Variants in PDGFRB observed in about 807,000 individuals in gnomAD.
PDGFRB encodes platelet derived growth factor receptor beta, also known as platelet-derived growth factor receptor beta.
PDGFRB carries 42 observed loss-of-function variants against 120.2 expected under a neutral mutation model. The ratio of observed to expected loss-of-function variants is 0.35; its 90% CI spans 0.27 to 0.45. The LOEUF (loss-of-function observed/expected upper bound fraction) is 0.45, where lower values mean the gene tolerates loss of function less well. Among genes scored for constraint, PDGFRB ranks in the 20% least tolerant of loss-of-function variants. The probability of loss-of-function intolerance (pLI) is 1.00; values close to 1 mark genes in which losing one functional copy is unlikely to be tolerated. For missense variants in PDGFRB, 1,149 were observed against 1,476.3 expected, an observed-to-expected ratio of 0.78 and a Z score of 3.63; for synonymous variants, 586 against 606.8, an observed-to-expected ratio of 0.97 and a Z score of 0.50.
In PDGFRB at chr5:150,119,509, C is replaced by T. The variant is rs145717708; in HGVS notation, c.2756G>A (p.Arg919Gln). Residue 919 changes from arginine (R) to glutamine (Q), a missense_variant, in exon 20 of 23, where the codon CGG becomes CAG. By Grantham distance (43) the Arg-to-Gln change is conservative. Around this residue, in one of 3 missense-constraint regions of PDGFRB, gnomAD observed 68 missense variants for 153.3 expected, o/e 0.44. Transcript: ENST00000261799. ...GGCAGGCTGGGCCATGCGGTAACCC[C>T]GTTTGATGGCATTGTAGAACTGCTC... Reference protein sequence around the residue: ...MNEQFYNAIKRGYRMAQPAHA... With the variant: ...MNEQFYNAIKQGYRMAQPAHA... The T allele has an allele frequency of 4.9e-5, 79 of 1,613,234 alleles. No individual in the cohort carries two copies. The highest frequency in any genetic ancestry group is 4.5e-4 in the East Asian group (20 of 44,878).
At chr5:150,122,935 C>T (rs1045493711) in intron 15 of PDGFRB, 107 bp downstream of exon 15, 17 of 987,884 alleles carry the variant, frequency 1.7e-5, no homozygotes, top group Non-Finnish European at 2.5e-5. Flanking sequence ...GTGATTCTGT[C>T]CCCTGCCCTG....
At position 150,120,815 on chromosome 5, in the gene PDGFRB, T is replaced by A. The variant is rs1425849971; in HGVS notation, c.2586+73A>T. The A allele has an allele frequency of 2.8e-6, 4 of 1,440,386 alleles. No homozygotes were observed. In the Admixed American group the frequency reaches 7.0e-5, roughly 25 times the overall value. 89.2% of individuals were successfully genotyped at this position (1,440,386 alleles called of 1,614,324 possible). On this transcript the variant is annotated intron_variant, in intron 18 of 22. Transcript: ENST00000261799. This position sits in a 1 kb window ranked among gnomAD's most constrained non-coding sequence, Gnocchi z 4.3. ...GATTTCCTATGAGCTGCAGCCACACTGGTCAGGAGGGAATCTGTTCCTGCG... is the reference window on the plus strand; with the variant it reads ...GATTTCCTATGAGCTGCAGCCACACAGGTCAGGAGGGAATCTGTTCCTGCG...
In PDGFRB at chr5:150,155,581, G is replaced by C; in HGVS notation, c.-191C>G. The C allele has an allele frequency of 2.5e-6, 1 of 398,906 alleles. No homozygotes were observed. The highest frequency in any genetic ancestry group is 4.4e-6 in the Non-Finnish European group (1 of 226,298). 24.7% of individuals were successfully genotyped at this position (398,906 alleles called of 1,614,324 possible). On this transcript the variant is annotated 5_prime_UTR_variant, in exon 1 of 23. It adds an upstream start codon to the 5' untranslated region. Coordinates refer to ENST00000261799, the MANE Select transcript of PDGFRB (RefSeq NM_002609.4). ...TCCTGAAGGCTCAGGAGAACAGAGG[G>C]ATGGAGGAAGGGGGCTGCTGTAGGG...
At chr5:150,148,369 C>T (rs1760981485) in intron 1 of PDGFRB, among the ~76,000 whole-genome samples, 1 of 152,262 alleles carries the variant, frequency 6.6e-6, no homozygotes, top group African/African-American at 2.4e-5. Context: ...GTAGGGTCAG[C>T]TCTTCAGTCC....
chr5:150,116,839 T>C (rs1398862447), intron 22 of PDGFRB, among the ~76,000 whole-genome samples: 1 of 152,092 alleles, frequency 6.6e-6, no homozygotes, highest in African/African-American at 2.4e-5. Context: ...AAGGCCGGTG[T>C]GCACTCCTGG....
chr5:150,137,372 T>C, intron 1 of PDGFRB: 1 of 276,304 alleles, frequency 3.6e-6, no homozygotes, highest in Non-Finnish European at 6.8e-6. Flanking sequence ...GGAGGGGAAG[T>C]TGGGCTGGAT....
chr5:150,126,705 A>G, intron 10 of PDGFRB, 91 bp from the exon 11 acceptor site: 1 of 753,712 alleles, frequency 1.3e-6, no homozygotes, highest in Non-Finnish European at 2.4e-6. Context: ...CTCCGTACAC[A>G]TCCTGTCCAG....
Position 150,134,874 on chromosome 5 carries a change from C to A in PDGFRB, c.507G>T (p.Leu169=). Residue 169 remains leucine, a synonymous_variant, in exon 4 of 23, where the codon CTG becomes CTT. Coordinates refer to ENST00000261799, the MANE Select transcript of PDGFRB (RefSeq NM_002609.4). Reference sequence around the variant, plus strand: ...CACGTTGGTGATCATAGGGGACAGGCAGTGCAACGTCCCCTTTCTTCTCGT... The same window carrying A: ...CACGTTGGTGATCATAGGGGACAGGAAGTGCAACGTCCCCTTTCTTCTCGT... ...TLHEKKGDVA[L]PVPYDHQRGF... is the part of the protein sequence containing the mutation. The A allele has an allele frequency of 6.2e-7, 1 of 1,614,078 alleles. No individual in the cohort carries two copies. The highest frequency in any genetic ancestry group is 8.5e-7 in the Non-Finnish European group (1 of 1,179,894).
At chr5:150,134,459 G>C (rs1268702269) in intron 4 of PDGFRB, among the ~76,000 whole-genome samples, 1 of 152,222 alleles carries the variant, frequency 6.6e-6, no homozygotes, top group Non-Finnish European at 1.5e-5. Flanking sequence ...ACAGGAAATA[G>C]CAAAGCTGGG....
At chr5:150,140,191 G>A (rs1341307007) in intron 1 of PDGFRB, among the ~76,000 whole-genome samples, 1 of 152,162 alleles carries the variant, frequency 6.6e-6, no homozygotes, top group Non-Finnish European at 1.5e-5. Context: ...TCCACCAAAT[G>A]TGTTAGGCCT....
At position 150,120,848 on chromosome 5, in the gene PDGFRB, G is replaced by C; in HGVS notation, c.2586+40C>G. The C allele has an allele frequency of 1.3e-6, 2 of 1,595,320 alleles. No homozygotes were observed. The highest frequency in any genetic ancestry group is 8.6e-7 in the Non-Finnish European group (1 of 1,163,190). On this transcript the variant is annotated intron_variant, in intron 18 of 22. Transcript: ENST00000261799. This position sits in a 1 kb window ranked among gnomAD's most constrained non-coding sequence, Gnocchi z 4.3. ...AGGGAATCTGTTCCTGCGGTCACAG[G>C]CACTGTGACTGCCCTGCAGGGGCCA...
In PDGFRB at chr5:150,118,501, C is replaced by G. The variant is rs11740840; in HGVS notation, c.2904+246G>C. ...GGGAGGCAGCAGGACAGACAGTGCT[C>G]TAGGCCCCCTCCCTGCATCTAATCG... On this transcript the variant is annotated intron_variant, in intron 21 of 22. Coordinates refer to ENST00000261799, the MANE Select transcript of PDGFRB (RefSeq NM_002609.4). Among the ~76,000 whole-genome samples the G allele has an allele frequency of 0.092, 14,020 of 152,236 alleles. 660 individuals are homozygous for G. Among genetic ancestry groups the G allele is most frequent in the Non-Finnish European group, 0.11 (7,239 of 68,002 alleles).
At position 150,124,167 on chromosome 5, in the gene PDGFRB, C is replaced by T. The variant is rs958607400; in HGVS notation, c.2023+83G>A. ...CCTCCAGCAGGAGTGTGCTGTTGTG[C>T]AAGGCCTGAGGGGGGGGTAGGCGGG... On this transcript the variant is annotated intron_variant, in intron 14 of 22. Coordinates refer to ENST00000261799, the MANE Select transcript of PDGFRB (RefSeq NM_002609.4). The T allele has an allele frequency of 7.7e-6, 7 of 905,738 alleles. No individual in the cohort carries two copies. The African/African-American group carries it at 1.1e-4, about 15-fold the overall frequency. The allele number at this position is 905,738 out of a possible 1,614,324, so 56.1% of individuals were successfully genotyped here. A position where few individuals can be genotyped will look rare whatever the true frequency, so the allele number is the denominator to read the frequency against.
intron 4 of PDGFRB, 56 bp from the exon 5 acceptor site, chr5:150,134,064 T>A: frequency 3.9e-6 from 6 of 1,554,930 alleles, no homozygotes; most frequent in Non-Finnish European, 5.3e-6. Context: ...CACTAGCACT[T>A]CAGCTTGGGG....
At position 150,114,490 on chromosome 5, in the gene PDGFRB, G is replaced by A. The variant is rs1019106048; in HGVS notation, c.*1273C>T. 3.4e-5 allele frequency: 8 copies of A among 233,284 alleles called. No individual in the cohort carries two copies. The highest frequency in any genetic ancestry group is 1.7e-4 in the Admixed American group (3 of 17,760). The allele number at this position is 233,284 out of a possible 1,614,324, so 14.5% of individuals were successfully genotyped here. On this transcript the variant is annotated 3_prime_UTR_variant, in exon 23 of 23. Transcript: ENST00000261799. ...GCCCAGGATACCCCCGGAGGTCATC[G>A]TGGGTAGTGAAAGAGGTCCCGTGGT...
rs61747481 is a variant in PDGFRB, at chr5:150,129,837, A to C, written c.1499T>G (p.Val500Gly). ...GCAGCGCACCGACAGTGGCCGATCCACGTGCTGCAGACGCAGTGTGCTCAC... is the reference window on the plus strand; with the variant it reads ...GCAGCGCACCGACAGTGGCCGATCCCCGTGCTGCAGACGCAGTGTGCTCAC... The part of the protein sequence containing the change: ...EVVSTLRLQH[V>G]DRPLSVRCTL... The change falls in exon 10 of 23, where the codon GTG becomes GGG. Residue 500 changes from valine (V) to glycine (G), a missense_variant. Transcript: ENST00000261799. 1 of 1,614,026 alleles carries C rather than the reference A, an allele frequency of 6.2e-7. No homozygotes were observed. The highest frequency in any genetic ancestry group is 1.3e-5 in the African/African-American group (1 of 74,952).
chr5:150,123,114 T>TGGTGCTGCAGGAAGGTGTGTTTGTTGC lies in PDGFRB; in HGVS notation c.2084_2110dup (p.Arg695_His703dup). 2 of 1,613,790 alleles carry TGGTGCTGCAGGAAGGTGTGTTTGTTGC rather than the reference T, an allele frequency of 1.2e-6. No individual in the cohort carries two copies. Among genetic ancestry groups the TGGTGCTGCAGGAAGGTGTGTTTGTTGC allele is most frequent in the Non-Finnish European group, 1.7e-6 (2 of 1,179,958 alleles). On this transcript the variant is annotated inframe_insertion, in exon 15 of 23. Coordinates refer to ENST00000261799, the MANE Select transcript of PDGFRB (RefSeq NM_002609.4). Reference sequence around the variant, plus strand: ...GCTGGGCGGGCGGCGCTTGTCGGAGTGGTGCTGCAGGAAGGTGTGTTTGTT... The same window carrying TGGTGCTGCAGGAAGGTGTGTTTGTTGC: ...GCTGGGCGGGCGGCGCTTGTCGGAGTGGTGCTGCAGGAAGGTGTGTTTGTTGCGGTGCTGCAGGAAGGTGTGTTTGTT...
intron 3 of PDGFRB, 47 bp downstream of exon 3, chr5:150,135,508 G>A (rs750878459): frequency 1.6e-6 from 2 of 1,220,672 alleles, no homozygotes; most frequent in South Asian, 2.8e-5. Flanking sequence ...GATGCCTCCA[G>A]TTGACAAGAG....
chr5:150,144,180 TCTC>T (rs1414054957), intron 1 of PDGFRB, among the ~76,000 whole-genome samples: 1 of 151,932 alleles, frequency 6.6e-6, no homozygotes, highest in Non-Finnish European at 1.5e-5. Flanking sequence ...CCACCGCCAA[TCTC>T]CTCACCTCCA....
Sources: gnomAD v4.1 joint callset for allele counts (sites outside exome capture counted in the v4.1 genomes callset) on GRCh38, gnomAD v4.1.1 for gene constraint, gnomAD v4.1.1 regional missense constraint, Gnocchi (gnomAD v3.1) non-coding constraint, MANE v1.5 for transcripts, NCBI Gene and HGNC (gene_info 2026-07-23, HGNC 2026-07-21) for gene names.